The following CLCA4 variants were observed in gnomAD, a reference collection of about 807,000 sequenced individuals.
CLCA4 encodes calcium-activated chloride channel regulator 4.
Under a neutral mutation model 78.9 loss-of-function variants are expected in CLCA4, and 69 were observed. The observed-to-expected ratio is 0.87, with a 90% CI of 0.72 to 1.07. The LOEUF (loss-of-function observed/expected upper bound fraction) is 1.07, where lower values mean the gene tolerates loss of function less well. Ranked by LOEUF, CLCA4 falls within the 50% of genes least tolerant of loss-of-function variation. CLCA4 has a pLI of 0.00. For missense variants in CLCA4, 1,133 were observed against 1,095.8 expected (o/e 1.03, Z -0.48); for synonymous variants, 362 against 375.8 (o/e 0.96, Z 0.42).
In CLCA4 at chr1:86,547,228, G is replaced by A. The variant is rs998052663; in HGVS notation, c.109G>A (p.Val37Ile). Residue 37 changes from valine (V) to isoleucine (I), a missense_variant, in exon 1 of 14, where the codon GTT becomes ATT. Val to Ile is a conservative substitution (Grantham distance 29). Coordinates refer to ENST00000370563, the MANE Select transcript of CLCA4 (RefSeq NM_012128.4). The part of the protein sequence containing the change: ...NNNGFEDIVI[V>I]IDPSVPEDEK... ...TAATGGCTTTGAAGATATTGTCATT[G>A]TTATAGATCCTAGTGTGCCAGAAGA... 1.2e-6 allele frequency: 2 copies of A among 1,610,138 alleles called. No homozygotes were observed. The highest frequency in any genetic ancestry group is 4.5e-5 in the East Asian group (2 of 44,592).
At chr1:86,579,840 GATCT>G (rs1650651857) in intron 13 of CLCA4, 98 bp from the exon 14 acceptor site, 7 of 847,598 alleles carry the variant, frequency 8.3e-6, no homozygotes, top group Non-Finnish European at 1.1e-5. Context: ...TAAGGCTTTT[GATCT>G]ATCTGCTTTG....
chr1:86,580,292 T>G lies in CLCA4; in HGVS notation c.2707T>G (p.Ser903Ala). Reference sequence around the variant, plus strand: ...AGTTAATATTTCTACGCTGGTATTGTCTGTGATTGGGTCTGTTGTAATTGT... The same window carrying G: ...AGTTAATATTTCTACGCTGGTATTGGCTGTGATTGGGTCTGTTGTAATTGT... ...SGVNISTLVL[S>A]VIGSVVIVNF... Residue 903 changes from serine (S) to alanine (A), a missense_variant, in exon 14 of 14, where the codon TCT becomes GCT. Ser to Ala is a moderately conservative substitution (Grantham distance 99). Transcript: ENST00000370563. The G allele has an allele frequency of 6.2e-7, 1 of 1,611,174 alleles. No homozygotes were observed. The highest frequency in any genetic ancestry group is 1.7e-4 in the Middle Eastern group (1 of 6,042).
chr1:86,570,349 T>C (rs1309290149), intron 7 of CLCA4, among the ~76,000 whole-genome samples: 2 of 152,028 alleles, frequency 1.3e-5, no homozygotes, highest in African/African-American at 4.8e-5. Flanking sequence ...GTTGTCATCC[T>C]GGGCTAACTT....
intron 1 of CLCA4, among the ~76,000 whole-genome samples, chr1:86,558,278 G>C (rs1260219168): frequency 1.3e-5 from 2 of 152,208 alleles, no homozygotes; most frequent in Middle Eastern, 3.4e-3. Flanking sequence ...AGTGACACTG[G>C]TCTGTGTGTC....
intron 4 of CLCA4, 73 bp downstream of exon 4, chr1:86,563,842 C>A: frequency 3.8e-6 from 3 of 793,798 alleles, no homozygotes; most frequent in Non-Finnish European, 6.2e-6. Context: ...TGATTTCTTC[C>A]AAAATCATTC....
chr1:86,578,400 G>C (rs907823389), intron 12 of CLCA4, among the ~76,000 whole-genome samples: 10 of 151,920 alleles, frequency 6.6e-5, no homozygotes, highest in African/African-American at 2.4e-4. Flanking sequence ...ATTTCATTAT[G>C]CAGGTACTAA....
intron 3 of CLCA4, among the ~76,000 whole-genome samples, chr1:86,561,257 T>C (rs766995017): frequency 3.3e-5 from 5 of 152,238 alleles, no homozygotes; most frequent in Non-Finnish European, 7.3e-5. Context: ...CTTTGTGCCC[T>C]TTTAGTTATA....
At chr1:86,571,542 A>T (rs934874099) in intron 8 of CLCA4, 17 of 224,846 alleles carry the variant, frequency 7.6e-5, no homozygotes, top group East Asian at 4.3e-4. Flanking sequence ...GTATAGAGCC[A>T]GGGAAAGGAA....
chr1:86,571,405 T>C, intron 8 of CLCA4, 151 bp downstream of exon 8: 1 of 606,234 alleles, frequency 1.6e-6, no homozygotes, highest in Non-Finnish European at 2.8e-6. Flanking sequence ...TGGAGTCCAG[T>C]TGGCTGGAGA....
chr1:86,574,795 A>C (rs764656206), intron 10 of CLCA4, 40 bp downstream of exon 10: 3 of 1,433,256 alleles, frequency 2.1e-6, no homozygotes, highest in Middle Eastern at 1.8e-4. Context: ...AACATTTTTA[A>C]AAAACTGAAC....
intron 7 of CLCA4, among the ~76,000 whole-genome samples, chr1:86,568,081 C>T (rs768374214): frequency 2.0e-5 from 3 of 151,780 alleles, no homozygotes; most frequent in Non-Finnish European, 2.9e-5. Flanking sequence ...TTTATTATAC[C>T]TCTTAAAGCA....
At chr1:86,565,139 C>G in intron 4 of CLCA4, 135 bp from the exon 5 acceptor site, 1 of 564,308 alleles carries the variant, frequency 1.8e-6, no homozygotes, top group Non-Finnish European at 3.1e-6. Flanking sequence ...AACCCTATAG[C>G]CAGGATAGGA....
chr1:86,552,535 G>C (rs1649696453), intron 1 of CLCA4: 1 of 512,574 alleles, frequency 2.0e-6, no homozygotes, highest in African/African-American at 2.0e-5. Context: ...AGGCTGGGCA[G>C]CGGGCGGCAG....
Position 86,563,747 on chromosome 1 carries a change from T to G in CLCA4, c.535T>G (p.Ser179Ala). The change falls in exon 4 of 14, where the codon TCA (serine) becomes GCA (alanine). Residue 179 changes from serine (S) to alanine (A), a missense_variant. Coordinates refer to ENST00000370563, the MANE Select transcript of CLCA4 (RefSeq NM_012128.4). The stretch of plus-strand genomic sequence containing the variant: ...AGATCAGCCTTTCTACCGTGCTAAG[T>G]CAAAAAAAATCGAAGCAACAAGGCA... ...NEDQPFYRAK[S>A]KKIEATRCSA... 1 of 1,605,550 alleles carries G rather than the reference T, an allele frequency of 6.2e-7. No homozygotes were observed. The highest frequency in any genetic ancestry group is 8.5e-7 in the Non-Finnish European group (1 of 1,174,428).
In CLCA4 at chr1:86,567,452, A is replaced by G. The variant is rs200924861; in HGVS notation, c.983A>G (p.Gln328Arg). ...AAGGACCGCCTAAATCGAATGAATC[A>G]AGCAGCAAAACATTTCCTGCTGCAG... ...GGKDRLNRMN[Q>R]AAKHFLLQTV... Residue 328 changes from glutamine (Q) to arginine (R), a missense_variant, in exon 7 of 14, where the codon CAA (glutamine) becomes CGA (arginine). Coordinates refer to ENST00000370563, the MANE Select transcript of CLCA4 (RefSeq NM_012128.4). 51 of 1,612,720 alleles carry G rather than the reference A, an allele frequency of 3.2e-5. 1 individual carries two copies. The highest frequency in any genetic ancestry group is 1.6e-4 in the Middle Eastern group (1 of 6,082).
Position 86,571,195 on chromosome 1 carries a change from A to C in CLCA4, c.1301A>C (p.His434Pro), listed in dbSNP as rs1650340609. ...GTGAAACAAAGTGGGGCCATTGTTCATTTTATTGCTTTGGGAAGAGCTGCT... is the reference window on the plus strand; with the variant it reads ...GTGAAACAAAGTGGGGCCATTGTTCCTTTTATTGCTTTGGGAAGAGCTGCT... ...DEVKQSGAIV[H>P]FIALGRAADE... Residue 434 changes from histidine to proline, a missense_variant, in exon 8 of 14, where the codon CAT becomes CCT. Coordinates refer to ENST00000370563, the MANE Select transcript of CLCA4 (RefSeq NM_012128.4). 6.2e-7 allele frequency: 1 copy of C among 1,612,910 alleles called. No individual in the cohort carries two copies. Among genetic ancestry groups the C allele is most frequent in the Non-Finnish European group, 8.5e-7 (1 of 1,179,244 alleles).
Position 86,565,318 on chromosome 1 carries a change from A to G in CLCA4, c.602A>G (p.Gln201Arg), listed in dbSNP as rs1187386998. Residue 201 changes from glutamine (Q) to arginine (R), a missense_variant, in exon 5 of 14, where the codon CAA becomes CGA. Coordinates refer to ENST00000370563, the MANE Select transcript of CLCA4 (RefSeq NM_012128.4). Reference protein sequence around the residue: ...ISGRNRVYKCQGGSCLSRACR... With the variant: ...ISGRNRVYKCRGGSCLSRACR... ...GGTAGAAATAGAGTTTATAAGTGTC[A>G]AGGAGGCAGCTGTCTTAGTAGAGCA... 6 of 1,609,342 alleles carry G rather than the reference A, an allele frequency of 3.7e-6. No individual in the cohort carries two copies. The Admixed American group carries it at 8.4e-5, about 23-fold the overall frequency.
intron 1 of CLCA4, among the ~76,000 whole-genome samples, chr1:86,554,060 G>A (rs887507412): frequency 1.5e-4 from 23 of 152,030 alleles, no homozygotes; most frequent in African/African-American, 5.6e-4. Context: ...ATGCCATGGG[G>A]GTTTGTTGTA....
Position 86,580,415 on chromosome 1 carries a change from A to C in CLCA4, c.*70A>C. The C allele has an allele frequency of 2.5e-6, 3 of 1,212,098 alleles. No individual in the cohort carries two copies. The highest frequency in any genetic ancestry group is 1.8e-5 in the South Asian group (1 of 55,672). The allele number at this position is 1,212,098 out of a possible 1,614,324, so 75.1% of individuals were successfully genotyped here. A position where few individuals can be genotyped will look rare whatever the true frequency, so the allele number is the denominator to read the frequency against. On this transcript the variant is annotated 3_prime_UTR_variant, in exon 14 of 14. Transcript: ENST00000370563. The stretch of plus-strand genomic sequence containing the variant: ...TTTAAAAAACAAAACAATGTAAGTA[A>C]AGGATATTTCTGAATCTTAAAATTC...
Sources: gnomAD v4.1 joint callset for allele counts (sites outside exome capture counted in the v4.1 genomes callset) on GRCh38, gnomAD v4.1.1 for gene constraint, MANE v1.5 for transcripts, NCBI Gene and HGNC (gene_info 2026-07-23, HGNC 2026-07-21) for gene names.